The following SLC9A7 variants were observed in gnomAD, a reference collection of about 807,000 sequenced individuals.
The protein encoded by SLC9A7 is solute carrier family 9 member A7, also known as sodium/hydrogen exchanger 7.
SLC9A7 carries 19 observed loss-of-function variants against 52.6 expected under a neutral mutation model. The ratio of observed to expected loss-of-function variants is 0.36; its 90% CI spans 0.25 to 0.53. SLC9A7 has a LOEUF of 0.53. SLC9A7 is among the 20% of genes least tolerant of loss of function. The pLI, the probability that SLC9A7 is intolerant of heterozygous loss-of-function variation, is 0.91. For missense variants in SLC9A7, 455 were observed against 597.9 expected, an observed-to-expected ratio of 0.76 and a Z score of 2.49; for synonymous variants, 226 against 252.1, an observed-to-expected ratio of 0.90 and a Z score of 0.98.
chrX:46,607,435 G>A (rs191777529), intron 16 of SLC9A7, among the ~76,000 whole-genome samples: 44 of 111,553 alleles, frequency 3.9e-4, no homozygotes, highest in African/African-American at 1.3e-3. Flanking sequence ...ATGTCTGACA[G>A]CTTGGGGTTA....
intron 14 of SLC9A7, among the ~76,000 whole-genome samples, chrX:46,621,756 G>A (rs1433335236): frequency 2.6e-4 from 29 of 112,392 alleles, no homozygotes; most frequent in African/African-American, 8.7e-4. Context: ...ATTCATTTGA[G>A]GTTTAGGAAA....
chrX:46,725,287 C>G, intron 1 of SLC9A7: 1 of 1,146,319 alleles, frequency 8.7e-7, no homozygotes, highest in Non-Finnish European at 1.2e-6. Flanking sequence ...GAACTGTCTT[C>G]ATCAGCCAGA....
intron 16 of SLC9A7, among the ~76,000 whole-genome samples, chrX:46,610,715 T>C (rs1602129072): frequency 8.9e-6 from 1 of 111,768 alleles, no homozygotes; most frequent in African/African-American, 3.3e-5. Flanking sequence ...AGCTGAAACA[T>C]GACCCCCAGA....
intron 1 of SLC9A7, among the ~76,000 whole-genome samples, chrX:46,705,584 C>T (rs1251121068): frequency 2.7e-5 from 3 of 111,747 alleles, no homozygotes; most frequent in Admixed American, 9.5e-5. Context: ...TACATCTATA[C>T]AAAAAATTTA....
chrX:46,675,084 T>C (rs1281125577), intron 3 of SLC9A7, among the ~76,000 whole-genome samples: 3 of 91,535 alleles, frequency 3.3e-5, no homozygotes, highest in Non-Finnish European at 6.0e-5. Flanking sequence ...TGTGTGTGTG[T>C]GTGTGTGTGT....
intron 1 of SLC9A7, among the ~76,000 whole-genome samples, chrX:46,706,960 C>T (rs1321526792): frequency 2.7e-5 from 3 of 110,887 alleles, no homozygotes; most frequent in Admixed American, 1.9e-4. Context: ...AGGCTGGTCT[C>T]GAACTCCTGG....
chrX:46,698,532 T>C (rs1190858893), intron 1 of SLC9A7, among the ~76,000 whole-genome samples: 1 of 112,036 alleles, frequency 8.9e-6, no homozygotes. Context: ...TTAAAGTACA[T>C]GGGACATAAA....
rs1602222870 is a variant in SLC9A7, at chrX:46,680,415, C to T, written c.526-660G>A. Among the ~76,000 whole-genome samples, 3 of 110,851 alleles carry T rather than the reference C, an allele frequency of 2.7e-5. No individual in the cohort carries two copies. In the Middle Eastern group the frequency reaches 0.014, roughly 511 times the overall value. On this transcript the variant is annotated intron_variant, in intron 2 of 16. Transcript: ENST00000616978. ...AAAGACTCAACTGCAGTAAAAGATG[C>T]CGTCGTGATTCTTTATTAACTTCCT...
intron 1 of SLC9A7, among the ~76,000 whole-genome samples, chrX:46,715,878 G>A (rs1181971741): frequency 1.8e-5 from 2 of 111,956 alleles, no homozygotes; most frequent in Admixed American, 9.5e-5. Context: ...GCTGGGCTAA[G>A]CTATGATGTT....
intron 13 of SLC9A7, among the ~76,000 whole-genome samples, chrX:46,633,140 T>C (rs1223587801): frequency 9.3e-6 from 1 of 107,139 alleles, no homozygotes; most frequent in East Asian, 2.9e-4. Context: ...GGCAGCCACT[T>C]GATATCAACC....
chrX:46,641,335 G>A (rs926318417), intron 12 of SLC9A7, among the ~76,000 whole-genome samples: 4 of 111,317 alleles, frequency 3.6e-5, no homozygotes, highest in African/African-American at 1.3e-4. Flanking sequence ...TACTCTCAAT[G>A]GAAAATTATT....
chrX:46,697,893 T>C (rs754251924), intron 1 of SLC9A7, among the ~76,000 whole-genome samples: 47 of 111,830 alleles, frequency 4.2e-4, no homozygotes, highest in African/African-American at 1.5e-3. Flanking sequence ...AGAAAGAGAA[T>C]GTGCACCTGG....
At chrX:46,689,640 A>G in intron 1 of SLC9A7, among the ~76,000 whole-genome samples, 1 of 105,658 alleles carries the variant, frequency 9.5e-6, no homozygotes, top group Middle Eastern at 5.0e-3. Flanking sequence ...TCTGGGATAC[A>G]TGTGCAGAAC....
intron 1 of SLC9A7, chrX:46,725,608 G>T: frequency 9.3e-7 from 1 of 1,072,781 alleles, no homozygotes; most frequent in Non-Finnish European, 1.3e-6. Flanking sequence ...ATCCACTTTT[G>T]CTTTAAAACT....
intron 4 of SLC9A7, among the ~76,000 whole-genome samples, chrX:46,671,300 G>T (rs5906253): frequency 1.8e-5 from 2 of 109,178 alleles, no homozygotes; most frequent in African/African-American, 3.3e-5. Flanking sequence ...TCACTCTGTC[G>T]CCCAGGCTGG....
At position 46,600,172 on chromosome X, in the gene SLC9A7, TCACAA is replaced by T. The variant is rs1438130578; in HGVS notation, c.*6775_*6779del. The stretch of plus-strand genomic sequence containing the variant: ...TCTCCAAAGCCCACAATTGGAATAA[TCACAA>T]CACAAGTCAGCCCCTAAATGTCCAT... On this transcript the variant is annotated 3_prime_UTR_variant, in exon 17 of 17. Coordinates refer to ENST00000616978, the MANE Select transcript of SLC9A7 (RefSeq NM_001257291.2). The T allele has an allele frequency of 8.9e-6, 1 of 112,164 alleles. No individual in the cohort carries two copies. Among genetic ancestry groups the T allele is most frequent in the Non-Finnish European group, 1.9e-5 (1 of 53,300 alleles). 9.2% of individuals were successfully genotyped at this position (112,164 alleles called of 1,213,427 possible).
chrX:46,634,762 G>A (rs773371802), intron 13 of SLC9A7, among the ~76,000 whole-genome samples: 6 of 110,923 alleles, frequency 5.4e-5, no homozygotes, highest in Non-Finnish European at 7.6e-5. Flanking sequence ...GTACACATAC[G>A]GGGCCTAGTG....
At position 46,606,455 on chromosome X, in the gene SLC9A7, T is replaced by A. The variant is rs1289318627; in HGVS notation, c.*497A>T. 1 of 755,462 alleles carries A rather than the reference T, an allele frequency of 1.3e-6. No individual in the cohort carries two copies. Among genetic ancestry groups the A allele is most frequent in the African/African-American group, 2.3e-5 (1 of 43,285 alleles). The allele number at this position is 755,462 out of a possible 1,213,427, so 62.3% of individuals were successfully genotyped here. ...GACTTCGTTGCCAGAGCCTCCAAAT[T>A]GCTTTTTCATGTTTTCTGTCCCATT... On this transcript the variant is annotated 3_prime_UTR_variant, in exon 17 of 17. Coordinates refer to ENST00000616978, the MANE Select transcript of SLC9A7 (RefSeq NM_001257291.2).
intron 1 of SLC9A7, among the ~76,000 whole-genome samples, chrX:46,733,854 T>C (rs1945081257): frequency 9.0e-6 from 1 of 110,999 alleles, no homozygotes; most frequent in Middle Eastern, 4.3e-3. Context: ...TCATGAAATA[T>C]ATAGAAAATA....
Sources: gnomAD v4.1 joint callset for allele counts (sites outside exome capture counted in the v4.1 genomes callset) on GRCh38, gnomAD v4.1.1 for gene constraint, MANE v1.5 for transcripts, NCBI Gene and HGNC (gene_info 2026-07-23, HGNC 2026-07-21) for gene names.